The following ROR1 variants were observed in gnomAD, a reference collection of about 807,000 sequenced individuals.
ROR1 encodes inactive tyrosine-protein kinase transmembrane receptor ROR1.
In ROR1, 19 loss-of-function variants were observed where a neutral mutation model predicts 78.8. That is an observed-to-expected ratio of 0.24 (90% CI 0.17 to 0.35). The LOEUF (loss-of-function observed/expected upper bound fraction) is 0.35. Ranked by LOEUF, ROR1 falls within the 10% of genes least tolerant of loss-of-function variation. The pLI, the probability that ROR1 is intolerant of heterozygous loss-of-function variation, is 1.00. For synonymous variants in ROR1, 386 were observed against 433.6 expected, an observed-to-expected ratio of 0.89 and a Z score of 1.36; for missense variants, 917 against 1,177.8, an observed-to-expected ratio of 0.78 and a Z score of 3.24.
chr1:64,097,969 G>A (rs889249702), intron 4 of ROR1, among the ~76,000 whole-genome samples: 8 of 152,216 alleles, frequency 5.3e-5, no homozygotes, highest in East Asian at 1.9e-4. Flanking sequence ...TGCGTTCTCC[G>A]TCAATTTACA....
chr1:64,175,370 C>CT (rs1217116763), intron 8 of ROR1, among the ~76,000 whole-genome samples: 1 of 151,816 alleles, frequency 6.6e-6, no homozygotes, highest in African/African-American at 2.4e-5. Context: ...CGTCCTCATT[C>CT]TTTTTTTTCA....
At chr1:63,801,349 C>T (rs1339320941) in intron 1 of ROR1, among the ~76,000 whole-genome samples, 1 of 152,052 alleles carries the variant, frequency 6.6e-6, no homozygotes, top group African/African-American at 2.4e-5. Flanking sequence ...GGCTGGAGAG[C>T]AGTGGCATGA....
intron 4 of ROR1, among the ~76,000 whole-genome samples, chr1:64,123,691 T>TAA (rs10632540): frequency 0.8 from 121,485 of 151,932 alleles, 48,849 homozygotes; most frequent in East Asian, 0.98. Flanking sequence ...GGTATGATCT[T>TAA]AAAGTGATTT....
chr1:63,920,776 G>A (rs531781527), intron 1 of ROR1, among the ~76,000 whole-genome samples: 1 of 152,260 alleles, frequency 6.6e-6, no homozygotes, highest in South Asian at 2.1e-4. Context: ...TATTTCTTAA[G>A]ATAAGTTTGC....
intron 1 of ROR1, among the ~76,000 whole-genome samples, chr1:63,861,139 A>G (rs1645179366): frequency 1.3e-5 from 2 of 152,334 alleles, no homozygotes; most frequent in Admixed American, 1.3e-4. Context: ...AGGGAAGAAC[A>G]CAGCTGTCCA....
At chr1:63,960,135 A>ATT (rs754128617) in intron 1 of ROR1, among the ~76,000 whole-genome samples, 4 of 152,046 alleles carry the variant, frequency 2.6e-5, no homozygotes, top group Non-Finnish European at 5.9e-5. Flanking sequence ...AGGACAGTAA[A>ATT]TTTACCACAC....
intron 2 of ROR1, among the ~76,000 whole-genome samples, chr1:64,014,227 G>A (rs578059927): frequency 6.6e-6 from 1 of 152,266 alleles, no homozygotes; most frequent in Non-Finnish European, 1.5e-5. Flanking sequence ...CCCAGCTGCT[G>A]TGTTCCACCT....
At chr1:63,843,402 T>A (rs1645061428) in intron 1 of ROR1, 3 of 744,224 alleles carry the variant, frequency 4.0e-6, no homozygotes, top group Non-Finnish European at 2.4e-6. Flanking sequence ...CAGGTCCTCC[T>A]CCTTGCTCTC....
At chr1:63,989,162 GTTTTTGT>G (rs1363511831) in intron 1 of ROR1, among the ~76,000 whole-genome samples, 7 of 117,398 alleles carry the variant, frequency 6.0e-5, no homozygotes, top group Admixed American at 3.4e-4. Context: ...GTCATTTTCT[GTTTTTGT>G]TTTTTTTTTT....
chr1:63,899,717 A>T (rs899154988), intron 1 of ROR1, among the ~76,000 whole-genome samples: 2 of 151,862 alleles, frequency 1.3e-5, no homozygotes, highest in Non-Finnish European at 2.9e-5. Context: ...CAAAGGAGAA[A>T]AGGAAATGTT....
intron 1 of ROR1, among the ~76,000 whole-genome samples, chr1:63,856,586 T>A (rs1053321475): frequency 6.6e-6 from 1 of 152,130 alleles, no homozygotes; most frequent in Admixed American, 6.5e-5. Flanking sequence ...TTAGCTCAAT[T>A]CACTCAACTC....
At chr1:63,995,853 G>A (rs979444524) in intron 1 of ROR1, among the ~76,000 whole-genome samples, 1 of 152,122 alleles carries the variant, frequency 6.6e-6, no homozygotes, top group African/African-American at 2.4e-5. Flanking sequence ...TCTGGACTGA[G>A]CCAAGGTGAT....
chr1:63,972,994 G>T (rs1646130593), intron 1 of ROR1, among the ~76,000 whole-genome samples: 1 of 152,230 alleles, frequency 6.6e-6, no homozygotes, highest in Admixed American at 6.5e-5. Context: ...GCAGCCAGTG[G>T]TGCCCACGCT....
intron 2 of ROR1, among the ~76,000 whole-genome samples, chr1:64,038,517 C>T (rs754611776): frequency 2.6e-5 from 4 of 152,098 alleles, no homozygotes; most frequent in Non-Finnish European, 1.5e-5. Flanking sequence ...GGACAGAGGC[C>T]GCATCACCTC....
chr1:63,800,829 G>A (rs1332161579), intron 1 of ROR1, among the ~76,000 whole-genome samples: 7 of 152,150 alleles, frequency 4.6e-5, no homozygotes, highest in Admixed American at 3.3e-4. Context: ...CTGGATTTTC[G>A]TAATTCTAGG....
At chr1:63,791,374 G>A (rs944202363) in intron 1 of ROR1, among the ~76,000 whole-genome samples, 1 of 152,096 alleles carries the variant, frequency 6.6e-6, no homozygotes, top group African/African-American at 2.4e-5. Flanking sequence ...AAAAAAATAT[G>A]TCTGGGAGGC....
At chr1:64,144,999 G>A (rs1649436731) in intron 7 of ROR1, among the ~76,000 whole-genome samples, 2 of 152,066 alleles carry the variant, frequency 1.3e-5, no homozygotes, top group Admixed American at 6.6e-5. Flanking sequence ...GATTTATTGT[G>A]AGAATAAATT....
intron 2 of ROR1, among the ~76,000 whole-genome samples, chr1:64,030,450 TC>T (rs1227007045): frequency 6.6e-6 from 1 of 152,180 alleles, no homozygotes; most frequent in African/African-American, 2.4e-5. Context: ...AATTTCCACT[TC>T]CACATGGTCC....
intron 1 of ROR1, among the ~76,000 whole-genome samples, chr1:63,894,870 A>G (rs1196407147): frequency 6.6e-6 from 1 of 152,168 alleles, no homozygotes; most frequent in Non-Finnish European, 1.5e-5. Flanking sequence ...GGCAAGAGTG[A>G]TGCATCTTAA....
Sources: allele counts gnomAD v4.1 joint callset (sites outside exome capture counted in the v4.1 genomes callset), GRCh38; gene constraint gnomAD v4.1.1; transcripts MANE v1.5; gene names NCBI Gene and HGNC (gene_info 2026-07-23, HGNC 2026-07-21).